Variants in SPAG9 observed in about 807,000 individuals in gnomAD.
SPAG9 encodes the protein sperm associated antigen 9, also known as C-Jun-amino-terminal kinase-interacting protein 4.
A neutral mutation model predicts 166.5 loss-of-function variants in SPAG9; 35 were observed. That is an observed-to-expected ratio of 0.21 (90% CI 0.16 to 0.28). The LOEUF (loss-of-function observed/expected upper bound fraction) is 0.28. SPAG9 is among the 10% of genes least tolerant of loss of function. SPAG9 has a pLI of 1.00. For missense variants in SPAG9, 1,235 were observed against 1,603.3 expected (o/e 0.77, Z 3.92); for synonymous variants, 534 against 565.5 (o/e 0.94, Z 0.79).
intron 9 of SPAG9, chr17:51,009,025 A>C (rs2045345465): frequency 2.7e-6 from 1 of 370,314 alleles, no homozygotes; most frequent in Non-Finnish European, 5.3e-6. Context: ...AAGGCAAAAA[A>C]ATAGTTGAGC....
chr17:50,992,609 T>G (rs1199514312), intron 19 of SPAG9, among the ~76,000 whole-genome samples: 2 of 151,844 alleles, frequency 1.3e-5, no homozygotes, highest in Admixed American at 1.3e-4. Flanking sequence ...AGGTCATGGC[T>G]GCAATGAGTA....
At chr17:51,035,551 G>A (rs1309397168) in intron 5 of SPAG9, among the ~76,000 whole-genome samples, 5 of 152,194 alleles carry the variant, frequency 3.3e-5, no homozygotes, top group Admixed American at 3.3e-4. Context: ...AAATGGAGGA[G>A]GATGGAAAAT....
chr17:51,041,454 A>C, intron 5 of SPAG9, 47 bp downstream of exon 5: 1 of 1,569,928 alleles, frequency 6.4e-7, no homozygotes, highest in South Asian at 1.1e-5. Context: ...AGGATAAGAA[A>C]GTTTATGAAA....
At chr17:51,073,051 C>T (rs1212775003) in intron 2 of SPAG9, among the ~76,000 whole-genome samples, 4 of 151,828 alleles carry the variant, frequency 2.6e-5, no homozygotes, top group Admixed American at 6.6e-5. Flanking sequence ...TTCAGCCGGG[C>T]GCGGTGGCTC....
At chr17:50,993,678 C>T in intron 19 of SPAG9, 86 bp downstream of exon 19, 1 of 1,341,976 alleles carries the variant, frequency 7.5e-7, no homozygotes, top group Non-Finnish European at 1.0e-6. Flanking sequence ...CAGCAAGGTG[C>T]AGAACTGCAT....
intron 9 of SPAG9, among the ~76,000 whole-genome samples, chr17:51,013,646 A>G (rs542259588): frequency 1.3e-5 from 2 of 152,196 alleles, no homozygotes; most frequent in Non-Finnish European, 2.9e-5. Flanking sequence ...CAAAAAGGTT[A>G]AGACACTTGG....
At chr17:51,029,190 T>C (rs886374546) in intron 6 of SPAG9, among the ~76,000 whole-genome samples, 5 of 151,582 alleles carry the variant, frequency 3.3e-5, no homozygotes, top group African/African-American at 1.2e-4. Flanking sequence ...TGAAAAAAAA[T>C]AGATGTAACA....
chr17:51,025,472 A>C (rs1020722180), intron 6 of SPAG9, among the ~76,000 whole-genome samples: 1 of 150,978 alleles, frequency 6.6e-6, no homozygotes, highest in African/African-American at 2.4e-5. Flanking sequence ...TATTAATTAA[A>C]AAAAAAAAAA....
At chr17:51,103,368 T>C (rs1264225826) in intron 1 of SPAG9, among the ~76,000 whole-genome samples, 1 of 152,174 alleles carries the variant, frequency 6.6e-6, no homozygotes, top group African/African-American at 2.4e-5. Context: ...GGATATAAAA[T>C]GTGCCCAAAC....
intron 8 of SPAG9, 34 bp downstream of exon 8, chr17:51,020,125 C>T (rs1433464033): frequency 4.6e-6 from 6 of 1,310,682 alleles, no homozygotes; most frequent in Admixed American, 1.7e-5. Context: ...GGGTGGGGGG[C>T]GCAGAATATG....
At chr17:51,040,077 A>G (rs2046773903) in intron 5 of SPAG9, among the ~76,000 whole-genome samples, 1 of 152,072 alleles carries the variant, frequency 6.6e-6, no homozygotes, top group African/African-American at 2.4e-5. Flanking sequence ...TCTATTAAAA[A>G]TACAAAAATT....
chr17:50,970,911 TTG>T (rs1973741093), intron 28 of SPAG9, 55 bp from the exon 29 acceptor site: 172 of 1,486,576 alleles, frequency 1.2e-4, no homozygotes, highest in South Asian at 2.9e-4. Context: ...GGAGGCTGTT[TTG>T]TTTTTTTTTT....
chr17:51,083,010 T>C (rs72826437), intron 1 of SPAG9, among the ~76,000 whole-genome samples: 38 of 152,278 alleles, frequency 2.5e-4, no homozygotes, highest in Non-Finnish European at 2.9e-4. Context: ...CTAGCAGGCC[T>C]AGGCTGCAGA....
At chr17:51,041,779 A>G in intron 4 of SPAG9, 128 bp from the exon 5 acceptor site, 1 of 841,030 alleles carries the variant, frequency 1.2e-6, no homozygotes, top group Non-Finnish European at 1.9e-6. Flanking sequence ...CTGTCTGCCC[A>G]TCTGAATAAA....
chr17:51,084,536 A>G (rs769702014), intron 1 of SPAG9, among the ~76,000 whole-genome samples: 111 of 152,256 alleles, frequency 7.3e-4, no homozygotes, highest in Middle Eastern at 3.4e-3. Context: ...GCCTCTGCGT[A>G]GCTGGGACTA....
intron 9 of SPAG9, 23 bp from the exon 10 acceptor site, chr17:51,007,349 GA>G: frequency 7.0e-7 from 1 of 1,424,628 alleles, no homozygotes. Flanking sequence ...AAAAGATAAA[GA>G]CTTTGAAAAT....
chr17:51,045,342 T>C (rs934956111), intron 4 of SPAG9, among the ~76,000 whole-genome samples: 1 of 152,170 alleles, frequency 6.6e-6, no homozygotes, highest in African/African-American at 2.4e-5. Context: ...AGCCTAAATA[T>C]ACAGATACAC....
At position 51,113,721 on chromosome 17, in the gene SPAG9, G is replaced by A. The variant is rs562321264; in HGVS notation, c.303+6633C>T. 7.3e-4 allele frequency among the ~76,000 whole-genome samples: 111 copies of A among 151,988 alleles called. 1 individual carries two copies. In the Middle Eastern group the frequency reaches 0.01, roughly 14 times the overall value. ...ACAACAACAAAAGAAAATAGGTTGG[G>A]TGCAGTGGCTCACACCTGTAATCAC... On this transcript the variant is annotated intron_variant, in intron 1 of 29. Coordinates refer to ENST00000262013, the MANE Select transcript of SPAG9 (RefSeq NM_001130528.3).
At chr17:51,103,413 C>A (rs1272083568) in intron 1 of SPAG9, among the ~76,000 whole-genome samples, 1 of 152,046 alleles carries the variant, frequency 6.6e-6, no homozygotes, top group African/African-American at 2.4e-5. Context: ...AGAATTGAAA[C>A]CTGAAAGATA....
Sources: allele counts gnomAD v4.1 joint callset (sites outside exome capture counted in the v4.1 genomes callset), GRCh38; gene constraint gnomAD v4.1.1; transcripts MANE v1.5; gene names NCBI Gene and HGNC (gene_info 2026-07-23, HGNC 2026-07-21).